CADM1: variants seen among roughly 807,000 people sequenced by gnomAD.
CADM1 encodes TSLC-1.
A neutral mutation model predicts 53.1 loss-of-function variants in CADM1; 15 were observed. That is an observed-to-expected ratio of 0.28 (90% CI 0.19 to 0.44). The LOEUF is 0.44. Ranked by LOEUF, CADM1 falls within the 20% of genes least tolerant of loss-of-function variation. CADM1 has a pLI of 1.00. For synonymous variants in CADM1, 281 were observed against 243.0 expected, an observed-to-expected ratio of 1.16 and a Z score of -1.45; for missense variants, 434 against 611.3, an observed-to-expected ratio of 0.71 and a Z score of 3.06.
rs570559743 is a variant in CADM1, at chr11:115,439,627, C to T, written c.124+64644G>A. 5.9e-5 allele frequency among the ~76,000 whole-genome samples: 9 copies of T among 152,284 alleles called. No individual in the cohort carries two copies. In the South Asian group the frequency reaches 1.7e-3, roughly 28 times the overall value. ...ATGCTGACCACAGCAATATTGAAGG[C>T]ATAAATTATTATGCAAAGTCATGAA... On this transcript the variant is annotated intron_variant, in intron 1 of 11. Transcript: ENST00000331581.
At chr11:115,472,186 C>A (rs987744278) in intron 1 of CADM1, among the ~76,000 whole-genome samples, 1 of 152,180 alleles carries the variant, frequency 6.6e-6, no homozygotes, top group African/African-American at 2.4e-5. Context: ...AGAAACGGAA[C>A]TCAGTTTTGT....
At chr11:115,313,039 G>A (rs1051802407) in intron 1 of CADM1, among the ~76,000 whole-genome samples, 2 of 151,982 alleles carry the variant, frequency 1.3e-5, no homozygotes, top group Non-Finnish European at 2.9e-5. Flanking sequence ...AAAGCAGCAA[G>A]CAATAATATT....
At chr11:115,448,282 T>C (rs1441833980) in intron 1 of CADM1, among the ~76,000 whole-genome samples, 3 of 152,172 alleles carry the variant, frequency 2.0e-5, no homozygotes, top group African/African-American at 7.2e-5. Context: ...ATGGTATAAG[T>C]AGAATATGAA....
chr11:115,366,246 T>A (rs937136414), intron 1 of CADM1, among the ~76,000 whole-genome samples: 1 of 152,192 alleles, frequency 6.6e-6, no homozygotes, highest in Non-Finnish European at 1.5e-5. Flanking sequence ...ACAAAAAGAC[T>A]TGCTAAGCAA....
At chr11:115,364,208 G>A (rs1048917658) in intron 1 of CADM1, among the ~76,000 whole-genome samples, 1 of 152,156 alleles carries the variant, frequency 6.6e-6, no homozygotes, top group African/African-American at 2.4e-5. Context: ...GGCAATGAGT[G>A]TGTCTCAGTT....
At chr11:115,251,964 C>A (rs903595579) in intron 1 of CADM1, among the ~76,000 whole-genome samples, 1 of 152,182 alleles carries the variant, frequency 6.6e-6, no homozygotes, top group African/African-American at 2.4e-5. Context: ...AGTAACTACA[C>A]AAACTGGTGC....
At chr11:115,404,076 A>AG in intron 1 of CADM1, among the ~76,000 whole-genome samples, 1 of 150,468 alleles carries the variant, frequency 6.6e-6, no homozygotes, top group East Asian at 2.0e-4. Context: ...CTGTAATCCC[A>AG]ACACCCTGGG....
intron 1 of CADM1, among the ~76,000 whole-genome samples, chr11:115,474,207 C>T (rs1412133909): frequency 1.4e-5 from 2 of 139,234 alleles, no homozygotes; most frequent in Non-Finnish European, 3.0e-5. Flanking sequence ...AGGAGAATGG[C>T]GTGAACCTAG....
intron 1 of CADM1, among the ~76,000 whole-genome samples, chr11:115,284,114 C>CTCTCTCTCTCTCTCTCTCTCTGTGTGTG (rs1351842329): frequency 1.0e-5 from 1 of 98,614 alleles, no homozygotes; most frequent in Non-Finnish European, 2.1e-5. Context: ...CTCTCTCTCT[C>CTCTCTCTCTCTCTCTCTCTCTGTGTGTG]TGTGTGTGTG....
At chr11:115,297,675 A>C (rs150200763) in intron 1 of CADM1, among the ~76,000 whole-genome samples, 74 of 152,354 alleles carry the variant, frequency 4.9e-4, no homozygotes, top group Non-Finnish European at 8.2e-4. Flanking sequence ...AAACTAATAT[A>C]TGTTCAATAG....
At chr11:115,465,780 T>A (rs1948887403) in intron 1 of CADM1, among the ~76,000 whole-genome samples, 1 of 137,774 alleles carries the variant, frequency 7.3e-6, no homozygotes. Flanking sequence ...ACAGCCTCTA[T>A]AACTTTTTAC....
intron 1 of CADM1, among the ~76,000 whole-genome samples, chr11:115,326,285 A>G (rs550584441): frequency 1.2e-4 from 18 of 152,302 alleles, no homozygotes; most frequent in Non-Finnish European, 1.8e-4. Flanking sequence ...AATTAACACA[A>G]AACAATCCAA....
Position 115,474,290 on chromosome 11 carries a change from CAAAA to C in CADM1, c.124+29977_124+29980del, listed in dbSNP as rs60168853. 2.5e-4 allele frequency among the ~76,000 whole-genome samples: 5 copies of C among 20,216 alleles called. No individual in the cohort carries two copies. In the Admixed American group the frequency reaches 3.5e-3, roughly 14 times the overall value. 13.3% of individuals were successfully genotyped at this position (20,216 alleles called of 152,430 possible). On this transcript the variant is annotated intron_variant, in intron 1 of 11. Transcript: ENST00000331581. The stretch of plus-strand genomic sequence containing the variant: ...TGGGTGACAGAGCAAGACTCCATCT[CAAAA>C]AAAAAAAAAAAAAAAAAAAAAAAAT...
intron 1 of CADM1, among the ~76,000 whole-genome samples, chr11:115,269,426 G>A (rs190283212): frequency 3.4e-4 from 51 of 152,232 alleles, no homozygotes; most frequent in East Asian, 2.5e-3. Context: ...CTCCATTTCC[G>A]TTATTCAGGA....
intron 1 of CADM1, among the ~76,000 whole-genome samples, chr11:115,355,871 G>T (rs962568090): frequency 5.9e-5 from 9 of 152,146 alleles, no homozygotes; most frequent in African/African-American, 2.2e-4. Flanking sequence ...TCGCCCTGTA[G>T]CCCAGGCTGG....
At chr11:115,412,836 C>G (rs1355950960) in intron 1 of CADM1, among the ~76,000 whole-genome samples, 1 of 152,080 alleles carries the variant, frequency 6.6e-6, no homozygotes, top group Non-Finnish European at 1.5e-5. Context: ...AACAGCCACG[C>G]ACCATAATGG....
At chr11:115,198,089 T>C (rs1230727347) in intron 9 of CADM1, among the ~76,000 whole-genome samples, 2 of 152,226 alleles carry the variant, frequency 1.3e-5, no homozygotes, top group African/African-American at 2.4e-5. Context: ...CTGCGAATAC[T>C]CGTTTGTTTG....
intron 1 of CADM1, among the ~76,000 whole-genome samples, chr11:115,259,841 C>G (rs1262938628): frequency 6.6e-6 from 1 of 152,222 alleles, no homozygotes; most frequent in Admixed American, 6.5e-5. Flanking sequence ...CCATGCCCTT[C>G]CCACCTCATT....
chr11:115,176,885 G>A (rs1939056675), intron 11 of CADM1, among the ~76,000 whole-genome samples: 1 of 152,214 alleles, frequency 6.6e-6, no homozygotes, highest in South Asian at 2.1e-4. Context: ...AGCTAAAAAT[G>A]CAGAAAGCTG....
Sources: allele counts gnomAD v4.1 joint callset (sites outside exome capture counted in the v4.1 genomes callset), GRCh38; gene constraint gnomAD v4.1.1; transcripts MANE v1.5; gene names NCBI Gene and HGNC (gene_info 2026-07-23, HGNC 2026-07-21).